BAHCC1: variants seen among roughly 807,000 people sequenced by gnomAD.
BAHCC1 encodes the protein BAH and coiled-coil domain-containing protein 1.
BAHCC1 carries 43 observed loss-of-function variants against 88.2 expected under a neutral mutation model. That is an observed-to-expected ratio of 0.49 (90% CI 0.38 to 0.63). The LOEUF (loss-of-function observed/expected upper bound fraction) is 0.63, where lower values mean the gene tolerates loss of function less well. Among genes scored for constraint, BAHCC1 ranks in the 20% least tolerant of loss-of-function variants. The probability of loss-of-function intolerance (pLI) is 0.00; values close to 1 mark genes in which losing one functional copy is unlikely to be tolerated. For synonymous variants in BAHCC1, 1,510 were observed against 745.5 expected (o/e 2.03, Z -16.71); for missense variants, 3,023 against 1,654.8 (o/e 1.83, Z -14.34).
chr17:81,435,627 A>G lies in BAHCC1; in HGVS notation c.359-2743A>G, dbSNP rs1355847287. On this transcript the variant is annotated intron_variant, in intron 3 of 27. Transcript: ENST00000675386. The surrounding 1 kb of genome is among the most constrained non-coding windows in gnomAD (Gnocchi z 4.4). ...TGAGGACCTCTGGCTCTGGGTTCATATGGCCCCAGACCCTGCTGGCTGAGC... is the reference window on the plus strand; with the variant it reads ...TGAGGACCTCTGGCTCTGGGTTCATGTGGCCCCAGACCCTGCTGGCTGAGC... Among the ~76,000 whole-genome samples the G allele has an allele frequency of 1.3e-5, 2 of 152,164 alleles. No individual in the cohort carries two copies. Among genetic ancestry groups the G allele is most frequent in the African/African-American group, 2.4e-5 (1 of 41,436 alleles).
chr17:81,431,562 C>T (rs2064261678), intron 3 of BAHCC1, among the ~76,000 whole-genome samples: 1 of 152,150 alleles, frequency 6.6e-6, no homozygotes, highest in Admixed American at 6.5e-5. Context: ...GAGGGCCACC[C>T]CTGGTTTGGA....
rs782747953 is a variant in BAHCC1 at position 81,458,708 on chromosome 17, C to T, written c.5431C>T (p.His1811Tyr). ...GGGCCGGAAGCTGAGCAAGGTGAAG[C>T]ACAAGGCCGGCAAGCAGGTAGCAGC... Reference protein sequence around the residue: ...GKGRKLSKVKHKAGKQGKGRA... With the variant: ...GKGRKLSKVKYKAGKQGKGRA... Residue 1811 changes from histidine (H) to tyrosine (Y), a missense_variant, in exon 19 of 28, where the codon CAC becomes TAC. Physicochemically the swap from His to Tyr is moderately conservative, Grantham distance 83 (BLOSUM62 2). Transcript: ENST00000675386. 1 of 730,712 alleles carries T rather than the reference C, an allele frequency of 1.4e-6. No homozygotes were observed. The highest frequency in any genetic ancestry group is 2.5e-6 in the Non-Finnish European group (1 of 392,852). 45.3% of individuals were successfully genotyped at this position (730,712 alleles called of 1,614,324 possible). A position where few individuals can be genotyped will look rare whatever the true frequency, so the allele number is the denominator to read the frequency against.
chr17:81,454,573 C>T lies in BAHCC1; in HGVS notation c.4446-694C>T, dbSNP rs561193632. 3.1e-3 allele frequency among the ~76,000 whole-genome samples: 468 copies of T among 151,508 alleles called. 2 individuals carry two copies. The highest frequency in any genetic ancestry group is 0.011 in the African/African-American group (441 of 41,334). On this transcript the variant is annotated intron_variant, in intron 14 of 27. Transcript: ENST00000675386. ...CACCCCACCCACCTGCCCCTACCCC[C>T]GCCCCTGGTGGGACTCCGGTTGGCA...
At chr17:81,459,454 C>T (rs782585550) in intron 22 of BAHCC1, 42 bp from the exon 23 acceptor site, 24 of 775,688 alleles carry the variant, frequency 3.1e-5, no homozygotes, top group Non-Finnish European at 4.3e-5. Flanking sequence ...AGCCCTGGGC[C>T]AGGCCCCACC....
Position 81,462,739 on chromosome 17 carries a change from G to A in BAHCC1, c.7384-1G>A. The A allele has an allele frequency of 1.3e-6, 1 of 751,026 alleles. No homozygotes were observed. The highest frequency in any genetic ancestry group is 1.4e-5 in the South Asian group (1 of 69,630). The allele number at this position is 751,026 out of a possible 1,614,324, so 46.5% of individuals were successfully genotyped here. ...AGCCACCCTGCCCATGTCCCCCACA[G>A]CGGCGTGGCATGAAGGGGAAGGCCC... On this transcript the variant is annotated splice_acceptor_variant, in intron 26 of 27. Transcript: ENST00000675386. LOFTEE classifies it high-confidence loss of function.
intron 2 of BAHCC1, among the ~76,000 whole-genome samples, chr17:81,409,508 C>G (rs1447200741): frequency 6.6e-6 from 1 of 152,170 alleles, no homozygotes; most frequent in Non-Finnish European, 1.5e-5. Flanking sequence ...CTTTTCACCT[C>G]GTGGCCCTGG....
chr17:81,462,624 A>G (rs117786821), intron 26 of BAHCC1, 116 bp from the exon 27 acceptor site: 2 of 626,472 alleles, frequency 3.2e-6, no homozygotes, highest in Admixed American at 2.8e-5. Context: ...GGCGCCCTGC[A>G]CACTCACACT....
intron 22 of BAHCC1, 41 bp from the exon 23 acceptor site, chr17:81,459,455 A>C: frequency 1.3e-6 from 1 of 775,334 alleles, no homozygotes; most frequent in Non-Finnish European, 2.4e-6. Context: ...GCCCTGGGCC[A>C]GGCCCCACCT....
In BAHCC1 at chr17:81,444,696, C is replaced by A. The variant is rs782389162; in HGVS notation, c.2541C>A (p.Asn847Lys). The part of the protein sequence containing the change: ...YGLGHPALHQ[N>K]LPPGFPASVA... ...TGGGGCACCCTGCCCTGCACCAGAACCTGCCCCCCGGCTTCCCCGCCTCCG... is the reference window on the plus strand; with the variant it reads ...TGGGGCACCCTGCCCTGCACCAGAAACTGCCCCCCGGCTTCCCCGCCTCCG... Residue 847 changes from asparagine (N) to lysine (K), a missense_variant, in exon 8 of 28, where the codon AAC becomes AAA. By Grantham distance (94) the Asn-to-Lys change is moderately conservative. Transcript: ENST00000675386. The A allele has an allele frequency of 1.0e-5, 8 of 775,990 alleles. No individual in the cohort carries two copies. Among genetic ancestry groups the A allele is most frequent in the Non-Finnish European group, 1.9e-5 (8 of 417,624 alleles). 48.1% of individuals were successfully genotyped at this position (775,990 alleles called of 1,614,324 possible).
At chr17:81,451,578 T>C (rs1441514165) in intron 11 of BAHCC1, 90 bp from the exon 12 acceptor site, 3 of 640,448 alleles carry the variant, frequency 4.7e-6, no homozygotes, top group Admixed American at 2.3e-5. Flanking sequence ...CAAGGCTGGG[T>C]GGCTTCAGGG....
At chr17:81,407,337 T>A in intron 2 of BAHCC1, 1 of 519,914 alleles carries the variant, frequency 1.9e-6, no homozygotes, top group Non-Finnish European at 3.8e-6. Flanking sequence ...CCATATTAAG[T>A]AAGAAAGAAA....
intron 17 of BAHCC1, 51 bp from the exon 18 acceptor site, chr17:81,458,114 C>T: frequency 2.8e-6 from 2 of 711,136 alleles, no homozygotes; most frequent in South Asian, 1.5e-5. Flanking sequence ...GCCCAACCAG[C>T]CGGGTCTCTA....
Position 81,399,942 on chromosome 17 carries a change from C to A in BAHCC1, c.178+25C>A. 7.5e-7 allele frequency: 1 copy of A among 1,335,680 alleles called. No homozygotes were observed. The highest frequency in any genetic ancestry group is 9.6e-7 in the Non-Finnish European group (1 of 1,040,874). 82.7% of individuals were successfully genotyped at this position (1,335,680 alleles called of 1,614,324 possible). On this transcript the variant is annotated intron_variant, in intron 2 of 27. Transcript: ENST00000675386. This position sits in a 1 kb window ranked among gnomAD's most constrained non-coding sequence, Gnocchi z 4.5. Reference sequence around the variant, plus strand: ...GGTCAGTGCTCGGCCGGGGCGGGCGCGGGACGGGAGCGTTCGAGAGCGGAA... The same window carrying A: ...GGTCAGTGCTCGGCCGGGGCGGGCGAGGGACGGGAGCGTTCGAGAGCGGAA...
intron 2 of BAHCC1, among the ~76,000 whole-genome samples, chr17:81,424,236 C>T (rs2064148243): frequency 6.6e-6 from 1 of 152,218 alleles, no homozygotes; most frequent in South Asian, 2.1e-4. Flanking sequence ...GAGAACAGCT[C>T]CTCCCAGTGC....
rs1174565314 is a variant in BAHCC1 at position 81,423,146 on chromosome 17, G to A, written c.179-3654G>A. Among the ~76,000 whole-genome samples the A allele has an allele frequency of 2.9e-5, 4 of 135,742 alleles. No homozygotes were observed. In the South Asian group the frequency reaches 7.7e-4, roughly 26 times the overall value. 89.1% of individuals were successfully genotyped at this position (135,742 alleles called of 152,430 possible). On this transcript the variant is annotated intron_variant, in intron 2 of 27. Transcript: ENST00000675386. ...TTGGGCCGGCTCTTCCTCTCCACCC[G>A]CCCACCCGCCGCAGAGGCCAGCTCA...
chr17:81,423,002 G>A (rs1021513961), intron 2 of BAHCC1, among the ~76,000 whole-genome samples: 5 of 152,250 alleles, frequency 3.3e-5, no homozygotes, highest in South Asian at 2.1e-4. Flanking sequence ...CCTGGCTGCC[G>A]GGCCTGTGGT....
Position 81,411,630 on chromosome 17 carries a change from G to C in BAHCC1, c.178+11713G>C, listed in dbSNP as rs2063956345. The C allele has an allele frequency of 2.4e-6, 1 of 419,812 alleles. No homozygotes were observed. 26.0% of individuals were successfully genotyped at this position (419,812 alleles called of 1,614,324 possible). A position where few individuals can be genotyped will look rare whatever the true frequency, so the allele number is the denominator to read the frequency against. ...ACGGGTGAGCTGCTGGCCACCCGAA[G>C]AGGGTGTGGGGTGGTCAGGTTTGGG... On this transcript the variant is annotated intron_variant, in intron 2 of 27. Transcript: ENST00000675386. The surrounding 1 kb of genome is among the most constrained non-coding windows in gnomAD (Gnocchi z 6.2).
At chr17:81,446,679 G>C in intron 10 of BAHCC1, 3 of 416,160 alleles carry the variant, frequency 7.2e-6, no homozygotes, top group South Asian at 3.6e-5. Flanking sequence ...CTCCTGTGTA[G>C]CTTGGACCAC....
chr17:81,451,355 TAG>T (rs2064630840), intron 11 of BAHCC1, among the ~76,000 whole-genome samples: 1 of 152,122 alleles, frequency 6.6e-6, no homozygotes. Context: ...GCGTTTCTGT[TAG>T]AAGCTGTAAC....
Sources: allele counts gnomAD v4.1 joint callset (sites outside exome capture counted in the v4.1 genomes callset), GRCh38; gene constraint gnomAD v4.1.1; non-coding constraint Gnocchi (gnomAD v3.1); transcripts MANE v1.5; gene names NCBI Gene and HGNC (gene_info 2026-07-23, HGNC 2026-07-21).